MAK: variants seen among roughly 807,000 people sequenced by gnomAD.
MAK encodes the protein serine/threonine-protein kinase MAK.
A neutral mutation model predicts 82.6 loss-of-function variants in MAK; 65 were observed. That is an observed-to-expected ratio of 0.79 (90% CI 0.64 to 0.97). The LOEUF is 0.97. Ranked by LOEUF, MAK falls within the 50% of genes least tolerant of loss-of-function variation. The pLI, the probability that MAK is intolerant of heterozygous loss-of-function variation, is 0.00. For synonymous variants in MAK, 250 were observed against 274.2 expected (o/e 0.91, Z 0.87); for missense variants, 703 against 780.2 (o/e 0.90, Z 1.18).
intron 11 of MAK, 63 bp from the exon 12 acceptor site, chr6:10,775,522 T>G: frequency 6.4e-7 from 1 of 1,558,044 alleles, no homozygotes; most frequent in Middle Eastern, 1.7e-4. Flanking sequence ...AGGAAACTTA[T>G]GTAATACATT....
chr6:10,818,005 A>G lies in MAK; in HGVS notation c.157-34T>C, dbSNP rs202025998. On this transcript the variant is annotated intron_variant, in intron 3 of 14. Transcript: ENST00000354489. ...TAACAAATATGCCTTAAAATTTCTT[A>G]AAAAAAACTTACAGAATTTGGCAAA... The G allele has an allele frequency of 1.2e-4, 160 of 1,354,702 alleles. 1 individual carries two copies. In the East Asian group the frequency reaches 3.8e-3, roughly 32 times the overall value. 83.9% of individuals were successfully genotyped at this position (1,354,702 alleles called of 1,614,324 possible). A position where few individuals can be genotyped will look rare whatever the true frequency, so the allele number is the denominator to read the frequency against.
At chr6:10,827,585 T>A (rs749638569) in intron 2 of MAK, 2 of 152,248 alleles carry the variant, frequency 1.3e-5, no homozygotes, top group African/African-American at 2.4e-5. Context: ...ATATGAATTA[T>A]ATAGGTTTTC....
chr6:10,791,758 C>T lies in MAK; in HGVS notation c.1233G>A (p.Glu411=), dbSNP rs1344448907. 5.0e-6 allele frequency: 8 copies of T among 1,613,924 alleles called. No individual in the cohort carries two copies. The highest frequency in any genetic ancestry group is 6.8e-6 in the Non-Finnish European group (8 of 1,179,988). The stretch of plus-strand genomic sequence containing the variant: ...AATGGGAGGCTCCGAAATCATAGTC[C>T]TCCAACTCTTCCCAGCTATCTCCAG... ...FKSGDSWEEL[E]DYDFGASHSK... Residue 411 remains glutamate (E), a synonymous_variant, in exon 10 of 15, where the codon GAG becomes GAA. Transcript: ENST00000354489.
chr6:10,828,068 C>G lies in MAK; in HGVS notation c.101+2480G>C, dbSNP rs1412514604. Among the ~76,000 whole-genome samples, 4 of 152,026 alleles carry G rather than the reference C, an allele frequency of 2.6e-5. No individual in the cohort carries two copies. In the East Asian group the frequency reaches 7.7e-4, roughly 29 times the overall value. On this transcript the variant is annotated intron_variant, in intron 2 of 14. Transcript: ENST00000354489. ...CAAATGAGCACTGAATTTTATTAAGCCTATTCAATTTATTTTTCATTTCCA... is the reference window on the plus strand; with the variant it reads ...CAAATGAGCACTGAATTTTATTAAGGCTATTCAATTTATTTTTCATTTCCA...
At chr6:10,835,105 G>A (rs1309845046) in intron 1 of MAK, among the ~76,000 whole-genome samples, 1 of 152,256 alleles carries the variant, frequency 6.6e-6, no homozygotes, top group African/African-American at 2.4e-5. Flanking sequence ...GCCAGGTTCT[G>A]AGGCCTAAGT....
chr6:10,833,508 G>A (rs1191199177), intron 1 of MAK, among the ~76,000 whole-genome samples: 6 of 152,070 alleles, frequency 3.9e-5, no homozygotes, highest in Non-Finnish European at 7.4e-5. Flanking sequence ...AGGAGGCTGA[G>A]GTAGGAGAAT....
intron 2 of MAK, among the ~76,000 whole-genome samples, chr6:10,822,289 A>G (rs929011079): frequency 2.0e-5 from 3 of 151,776 alleles, no homozygotes; most frequent in Admixed American, 6.6e-5. Context: ...CCCCGTCTCT[A>G]CTAAAAATAC....
In MAK at chr6:10,782,031, C is replaced by T. The variant is rs190566867; in HGVS notation, c.1465+2393G>A. Among the ~76,000 whole-genome samples the T allele has an allele frequency of 4.5e-3, 692 of 152,168 alleles. 5 individuals carry two copies. Among genetic ancestry groups the T allele is most frequent in the South Asian group, 7.1e-3 (34 of 4,808 alleles). Reference sequence around the variant, plus strand: ...GACCAACCTGGCCAACATGGTGAAACCCCGTCTCTACTAAAACATACAAAA... The same window carrying T: ...GACCAACCTGGCCAACATGGTGAAATCCCGTCTCTACTAAAACATACAAAA... On this transcript the variant is annotated intron_variant, in intron 11 of 14. Transcript: ENST00000354489.
Position 10,776,955 on chromosome 6 carries a change from G to A in MAK, c.1466-1496C>T, listed in dbSNP as rs1275436803. Among the ~76,000 whole-genome samples, 1 of 151,732 alleles carries A rather than the reference G, an allele frequency of 6.6e-6. No homozygotes were observed. The highest frequency in any genetic ancestry group is 1.5e-5 in the Non-Finnish European group (1 of 67,960). ...CAAAAATTAGCCAGGCATGAGACAG[G>A]AGAATCGCTTGAACCTGGGAGGCAG... On this transcript the variant is annotated intron_variant, in intron 11 of 14. Coordinates refer to ENST00000354489, the MANE Select transcript of MAK (RefSeq NM_001242957.3). The surrounding 1 kb of genome is among the most constrained non-coding windows in gnomAD (Gnocchi z 4.3).
intron 6 of MAK, among the ~76,000 whole-genome samples, chr6:10,806,378 G>A (rs1437185222): frequency 6.6e-6 from 1 of 151,776 alleles, no homozygotes; most frequent in Non-Finnish European, 1.5e-5. Context: ...ACCCAGGCTG[G>A]AGTGCAGTGG....
intron 5 of MAK, among the ~76,000 whole-genome samples, chr6:10,813,134 AAAT>A (rs1561987630): frequency 0.016 from 12 of 728 alleles, 1 homozygote; most frequent in African/African-American, 0.027. Context: ...ATATATATAT[AAAT>A]TTTTTTTTTT....
intron 11 of MAK, chr6:10,779,234 G>A (rs1369008907): frequency 3.7e-5 from 24 of 640,502 alleles, no homozygotes; most frequent in Non-Finnish European, 4.7e-5. Context: ...AGGAGCAGGG[G>A]GTGAGACCAG....
In MAK at chr6:10,805,571, GAA is replaced by G. The variant is rs540676488; in HGVS notation, c.492-1682_492-1681del. Among the ~76,000 whole-genome samples, 64 of 126,526 alleles carry G rather than the reference GAA, an allele frequency of 5.1e-4. No homozygotes were observed. In the South Asian group the frequency reaches 5.8e-3, roughly 11 times the overall value. 83.0% of individuals were successfully genotyped at this position (126,526 alleles called of 152,430 possible). A position where few individuals can be genotyped will look rare whatever the true frequency, so the allele number is the denominator to read the frequency against. On this transcript the variant is annotated intron_variant, in intron 6 of 14. Transcript: ENST00000354489. ...CACTGCACTACAGCCTGGGTGACAGGAAAAAAAAAAAAAAAAGAAGTTTGGTG... is the reference window on the plus strand; with the variant it reads ...CACTGCACTACAGCCTGGGTGACAGGAAAAAAAAAAAAAAGAAGTTTGGTG...
intron 4 of MAK, among the ~76,000 whole-genome samples, chr6:10,816,698 C>A (rs1777528018): frequency 6.6e-6 from 1 of 152,028 alleles, no homozygotes; most frequent in South Asian, 2.1e-4. Flanking sequence ...ATAATTATCA[C>A]CTTTAATGGT....
At chr6:10,835,562 T>C (rs764111450) in intron 1 of MAK, among the ~76,000 whole-genome samples, 2 of 152,212 alleles carry the variant, frequency 1.3e-5, no homozygotes, top group East Asian at 3.9e-4. Context: ...CGCCCAGCCA[T>C]GAAAATTATT....
intron 2 of MAK, 41 bp downstream of exon 2, chr6:10,830,507 A>C (rs761495257): frequency 6.8e-7 from 1 of 1,476,770 alleles, no homozygotes; most frequent in African/African-American, 1.4e-5. Context: ...AATAAAGAGC[A>C]GAGTTTTCAA....
chr6:10,806,971 G>A (rs750243347), intron 6 of MAK, among the ~76,000 whole-genome samples: 2 of 151,998 alleles, frequency 1.3e-5, no homozygotes, highest in African/African-American at 2.4e-5. Context: ...ACTAAGACAC[G>A]GACTCCTTTC....
At chr6:10,787,260 C>A (rs531028032) in intron 10 of MAK, among the ~76,000 whole-genome samples, 20 of 152,378 alleles carry the variant, frequency 1.3e-4, no homozygotes, top group African/African-American at 4.6e-4. Flanking sequence ...CACCAATTCA[C>A]CAATTCAGCT....
intron 6 of MAK, 128 bp downstream of exon 6, chr6:10,808,682 A>C (rs761270036): frequency 3.0e-5 from 29 of 969,226 alleles, no homozygotes; most frequent in African/African-American, 6.5e-5. Context: ...GCTTTCTTTA[A>C]AGAATATAAA....
Sources: gnomAD v4.1 joint callset for allele counts (sites outside exome capture counted in the v4.1 genomes callset) on GRCh38, gnomAD v4.1.1 for gene constraint, Gnocchi (gnomAD v3.1) non-coding constraint, MANE v1.5 for transcripts, NCBI Gene and HGNC (gene_info 2026-07-23, HGNC 2026-07-21) for gene names.